Variants in PLAA observed in about 807,000 individuals in gnomAD.
PLAA encodes phospholipase A-2-activating protein.
A neutral mutation model predicts 84.1 loss-of-function variants in PLAA; 48 were observed. The observed-to-expected ratio is 0.57, with a 90% confidence interval of 0.45 to 0.73. The LOEUF is 0.73. Among genes scored for constraint, PLAA ranks in the 30% least tolerant of loss-of-function variants. The pLI is 0.00. For missense variants in PLAA, 903 were observed against 954.7 expected, an observed-to-expected ratio of 0.95 and a Z score of 0.71; for synonymous variants, 392 against 336.6, an observed-to-expected ratio of 1.16 and a Z score of -1.80.
chr9:26,942,877 CAAAAAAAAA>C (rs34134451), intron 1 of PLAA, among the ~76,000 whole-genome samples: 1 of 51,360 alleles, frequency 1.9e-5, no homozygotes, highest in Admixed American at 2.4e-4. Context: ...AGACTCGTCT[CAAAAAAAAA>C]AAAAAAAAAA....
chr9:26,943,665 A>G (rs1825606737), intron 1 of PLAA, among the ~76,000 whole-genome samples: 1 of 152,152 alleles, frequency 6.6e-6, no homozygotes, highest in Non-Finnish European at 1.5e-5. Context: ...TGCTGTTATG[A>G]GCTGGGAGTG....
chr9:26,917,081 C>G lies in PLAA; in HGVS notation c.1486+16G>C, dbSNP rs538989439. ...ATTTAGTGAAGAAAGATACATGAAT[C>G]AAAACTACATCCCACCTGTAAAAGG... is the stretch of plus-strand genomic sequence containing the variant. On this transcript the variant is annotated intron_variant, in intron 10 of 13. Coordinates refer to ENST00000397292, the MANE Select transcript of PLAA (RefSeq NM_001031689.3). 1.9e-6 allele frequency: 3 copies of G among 1,608,222 alleles called. No individual in the cohort carries two copies. Among genetic ancestry groups the G allele is most frequent in the African/African-American group, 2.7e-5 (2 of 74,870 alleles).
In PLAA at chr9:26,905,351, CA is replaced by C. The variant is rs568630178; in HGVS notation, c.*159del. The C allele has an allele frequency of 2.1e-4, 129 of 619,108 alleles. No homozygotes were observed. The highest frequency in any genetic ancestry group is 6.4e-4 in the South Asian group (30 of 47,104). 38.4% of individuals were successfully genotyped at this position (619,108 alleles called of 1,614,324 possible). A position where few individuals can be genotyped will look rare whatever the true frequency, so the allele number is the denominator to read the frequency against. On this transcript the variant is annotated 3_prime_UTR_variant, in exon 14 of 14. Coordinates refer to ENST00000397292, the MANE Select transcript of PLAA (RefSeq NM_001031689.3). ...AGGAAAATCTCACAGTTCAGCAGTG[CA>C]AAAATTTTATTTCTGTTTCCCCTCC... is the stretch of plus-strand genomic sequence containing the variant.
Position 26,917,096 on chromosome 9 carries a change from C to G in PLAA, c.1486+1G>C. On this transcript the variant is annotated splice_donor_variant, in intron 10 of 13. Coordinates refer to ENST00000397292, the MANE Select transcript of PLAA (RefSeq NM_001031689.3). LOFTEE classifies it high-confidence loss of function. ...ATACATGAATCAAAACTACATCCCA[C>G]CTGTAAAAGGATCTGCTGTGGGTAG... The G allele has an allele frequency of 6.2e-7, 1 of 1,612,818 alleles. No homozygotes were observed. The highest frequency in any genetic ancestry group is 1.3e-5 in the African/African-American group (1 of 75,006).
At chr9:26,925,766 C>G in intron 6 of PLAA, 59 bp downstream of exon 6, 10 of 1,496,832 alleles carry the variant, frequency 6.7e-6, no homozygotes, top group Non-Finnish European at 8.3e-6. Context: ...TCTGTACACT[C>G]TAGTTCCTAC....
chr9:26,928,888 G>A (rs549683144), intron 2 of PLAA, among the ~76,000 whole-genome samples: 1 of 152,300 alleles, frequency 6.6e-6, no homozygotes, highest in South Asian at 2.1e-4. Flanking sequence ...AAATTATGCA[G>A]GCTAAAAATT....
In PLAA at chr9:26,928,074, ATAAAACTTGTCTAC is replaced by A; in HGVS notation, c.565+12_565+25del. 6.3e-7 allele frequency: 1 copy of A among 1,580,378 alleles called. No homozygotes were observed. The highest frequency in any genetic ancestry group is 8.6e-7 in the Non-Finnish European group (1 of 1,169,510). ...TGAGCAAATAAAAAGCAATGATATT[ATAAAACTTGTCTAC>A]CCTGATCTTACCTGAAAAAGTCCTC... On this transcript the variant is annotated intron_variant, in intron 4 of 13. Coordinates refer to ENST00000397292, the MANE Select transcript of PLAA (RefSeq NM_001031689.3).
At chr9:26,939,751 A>G (rs983771678) in intron 1 of PLAA, among the ~76,000 whole-genome samples, 1 of 152,104 alleles carries the variant, frequency 6.6e-6, no homozygotes, top group Non-Finnish European at 1.5e-5. Context: ...AGGAGCAGCT[A>G]TATTAACATT....
Position 26,920,470 on chromosome 9 carries a change from T to A in PLAA, c.1040-86A>T, listed in dbSNP as rs1445438972. ...AAATAGAAAATTCTTAACATTAAAA[T>A]TTACACATAAGAGAATATGGATTTT... On this transcript the variant is annotated intron_variant, in intron 7 of 13. Transcript: ENST00000397292. The A allele has an allele frequency of 1.4e-5, 11 of 788,820 alleles. No homozygotes were observed. The East Asian group carries it at 3.0e-4, about 21-fold the overall frequency. 48.9% of individuals were successfully genotyped at this position (788,820 alleles called of 1,614,324 possible). A position where few individuals can be genotyped will look rare whatever the true frequency, so the allele number is the denominator to read the frequency against.
chr9:26,942,130 A>G (rs1435639023), intron 1 of PLAA, among the ~76,000 whole-genome samples: 1 of 152,244 alleles, frequency 6.6e-6, no homozygotes, highest in African/African-American at 2.4e-5. Flanking sequence ...GCAAAATAAA[A>G]TAACTTTCAG....
chr9:26,931,878 A>G (rs1370574557), intron 2 of PLAA, among the ~76,000 whole-genome samples: 1 of 152,146 alleles, frequency 6.6e-6, no homozygotes, highest in Non-Finnish European at 1.5e-5. Flanking sequence ...AGAGGTCAGG[A>G]GTTTGAGACC....
chr9:26,937,519 T>C (rs1023193336), intron 1 of PLAA, among the ~76,000 whole-genome samples: 5 of 152,008 alleles, frequency 3.3e-5, no homozygotes, highest in Admixed American at 2.0e-4. Flanking sequence ...AACAGAAAAG[T>C]ATGGCCCATT....
At position 26,946,847 on chromosome 9, in the gene PLAA, C is replaced by A. The variant is rs757473417; in HGVS notation, c.149+50G>T. The stretch of plus-strand genomic sequence containing the variant: ...AGGGAAGGGTCACTCTCCTTCCACT[C>A]TCCGGGAAGCGTGCAACACAGCCGG... On this transcript the variant is annotated intron_variant, in intron 1 of 13. Coordinates refer to ENST00000397292, the MANE Select transcript of PLAA (RefSeq NM_001031689.3). 2.0e-6 allele frequency: 3 copies of A among 1,521,522 alleles called. No individual in the cohort carries two copies. In the East Asian group the frequency reaches 7.4e-5, roughly 37 times the overall value. 94.3% of individuals were successfully genotyped at this position (1,521,522 alleles called of 1,614,324 possible). A position where few individuals can be genotyped will look rare whatever the true frequency, so the allele number is the denominator to read the frequency against.
At chr9:26,920,133 A>C (rs1824711161) in intron 8 of PLAA, 94 bp downstream of exon 8, 1 of 1,038,776 alleles carries the variant, frequency 9.6e-7, no homozygotes, top group Non-Finnish European at 1.4e-6. Flanking sequence ...TTAAATGTCA[A>C]AACAAAGGAA....
intron 2 of PLAA, among the ~76,000 whole-genome samples, chr9:26,929,057 G>A (rs1205458839): frequency 1.3e-5 from 2 of 152,002 alleles, no homozygotes; most frequent in Non-Finnish European, 2.9e-5. Context: ...AAAATAGCTG[G>A]GTGTGGCGGT....
chr9:26,920,272 A>T lies in PLAA; in HGVS notation c.1152T>A (p.Ser384=), dbSNP rs766216764. Residue 384 remains serine, a synonymous_variant, in exon 8 of 14, where the codon TCT becomes TCA. Transcript: ENST00000397292. ...WIKIGDVVGS[S]GANQQTSGKV... Reference sequence around the variant, plus strand: ...TTCCAGATGTTTGCTGATTAGCACCAGATGAGCCAACAACATCACCAATTT... The same window carrying T: ...TTCCAGATGTTTGCTGATTAGCACCTGATGAGCCAACAACATCACCAATTT... 42 of 1,613,858 alleles carry T rather than the reference A, an allele frequency of 2.6e-5. 1 individual carries two copies. The South Asian group carries it at 4.5e-4, about 17-fold the overall frequency.
chr9:26,939,653 A>T (rs566369155), intron 1 of PLAA, among the ~76,000 whole-genome samples: 1 of 152,186 alleles, frequency 6.6e-6, no homozygotes, highest in East Asian at 1.9e-4. Flanking sequence ...GCTGTTTATG[A>T]GACTCACTTT....
intron 1 of PLAA, 22 bp from the exon 2 acceptor site, chr9:26,935,228 T>C (rs1825321298): frequency 4.7e-6 from 7 of 1,478,254 alleles, no homozygotes; most frequent in African/African-American, 1.4e-5. Flanking sequence ...AGATAATTAA[T>C]AGATACATAT....
intron 1 of PLAA, among the ~76,000 whole-genome samples, chr9:26,940,363 T>G (rs1426531308): frequency 6.6e-6 from 1 of 152,188 alleles, no homozygotes; most frequent in African/African-American, 2.4e-5. Flanking sequence ...GGAAGAACCT[T>G]GAGGACATTG....
Sources: allele counts gnomAD v4.1 joint callset (sites outside exome capture counted in the v4.1 genomes callset), GRCh38; gene constraint gnomAD v4.1.1; transcripts MANE v1.5; gene names NCBI Gene and HGNC (gene_info 2026-07-23, HGNC 2026-07-21).